The following EYA4 variants were observed in gnomAD, a reference collection of about 807,000 sequenced individuals.
EYA4 encodes protein phosphatase EYA4.
In EYA4, 31 loss-of-function variants were observed where a neutral mutation model predicts 87.9. That is an observed-to-expected ratio of 0.35 (90% confidence interval 0.27 to 0.48). The LOEUF is 0.48. Among genes scored for constraint, EYA4 ranks in the 20% least tolerant of loss-of-function variants. The pLI, the probability that EYA4 is intolerant of heterozygous loss-of-function variation, is 0.99. For missense variants in EYA4, 678 were observed against 761.4 expected (o/e 0.89, Z 1.29); for synonymous variants, 263 against 270.6 (o/e 0.97, Z 0.28).
At chr6:133,464,570 T>C (rs1001402513) in intron 9 of EYA4, among the ~76,000 whole-genome samples, 17 of 152,114 alleles carry the variant, frequency 1.1e-4, no homozygotes, top group African/African-American at 3.9e-4. Flanking sequence ...TGCTTCTGTT[T>C]AGCTCAACAG....
intron 3 of EYA4, among the ~76,000 whole-genome samples, chr6:133,416,937 A>G (rs2128552980): frequency 6.6e-6 from 1 of 152,340 alleles, no homozygotes; most frequent in African/African-American, 2.4e-5. Flanking sequence ...CTGTGGGTGC[A>G]GGGTAGGTTT....
rs1008599620 is a variant in EYA4, at chr6:133,349,661, G to A, written c.34-32731G>A. ...TGTAAGTGTATGAAATGCTTTGAGT[G>A]CAAATAATATAGGAATGTGGGGGCT... On this transcript the variant is annotated intron_variant, in intron 2 of 19. Coordinates refer to ENST00000355286, the MANE Select transcript of EYA4 (RefSeq NM_004100.5). Among the ~76,000 whole-genome samples, 7 of 151,212 alleles carry A rather than the reference G, an allele frequency of 4.6e-5. No individual in the cohort carries two copies. In the East Asian group the frequency reaches 1.3e-3, roughly 29 times the overall value.
chr6:133,378,144 G>A (rs1188033786), intron 2 of EYA4, among the ~76,000 whole-genome samples: 1 of 152,022 alleles, frequency 6.6e-6, no homozygotes, highest in East Asian at 1.9e-4. Context: ...TCAATAAAGT[G>A]AGATTTTAAA....
chr6:133,312,407 C>G (rs559622809), intron 2 of EYA4, among the ~76,000 whole-genome samples: 102 of 146,332 alleles, frequency 7.0e-4, no homozygotes, highest in East Asian at 2.2e-3. Flanking sequence ...CACACACACA[C>G]ACAGAGATAA....
intron 2 of EYA4, among the ~76,000 whole-genome samples, chr6:133,348,645 T>G (rs1427606656): frequency 6.6e-6 from 1 of 152,140 alleles, no homozygotes; most frequent in African/African-American, 2.4e-5. Context: ...TAGGGAAGAT[T>G]CACACTTTTA....
intron 1 of EYA4, among the ~76,000 whole-genome samples, chr6:133,268,190 A>G (rs1483752024): frequency 6.6e-6 from 1 of 152,156 alleles, no homozygotes; most frequent in Non-Finnish European, 1.5e-5. Flanking sequence ...GGGCATTTAA[A>G]CTTCGCCTCA....
chr6:133,308,512 A>G (rs1458056080), intron 2 of EYA4, among the ~76,000 whole-genome samples: 1 of 152,166 alleles, frequency 6.6e-6, no homozygotes, highest in Non-Finnish European at 1.5e-5. Flanking sequence ...ATAGTACTGT[A>G]TAATTACTTT....
rs1795050249 is a variant in EYA4 at position 133,468,604 on chromosome 6, T to C, written c.843T>C (p.Tyr281=). The change falls in exon 11 of 20, where the codon TAT becomes TAC. Residue 281 remains tyrosine (Y), a synonymous_variant. Coordinates refer to ENST00000355286, the MANE Select transcript of EYA4 (RefSeq NM_004100.5). ...PSYTAFGQNQ[Y]AQYYSASTYG... is the part of the protein sequence containing the mutation. ...ATACAGCCTTTGGCCAAAACCAGTA[T>C]GCACAGTATTATTCAGCATCAACGT... The C allele has an allele frequency of 1.9e-6, 3 of 1,612,672 alleles. No individual in the cohort carries two copies. Among genetic ancestry groups the C allele is most frequent in the Non-Finnish European group, 1.7e-6 (2 of 1,179,074 alleles).
At chr6:133,410,695 C>T (rs1316550943) in intron 3 of EYA4, among the ~76,000 whole-genome samples, 1 of 151,236 alleles carries the variant, frequency 6.6e-6, no homozygotes, top group African/African-American at 2.4e-5. Flanking sequence ...CTCTGTCCTG[C>T]AGCAGCAGTC....
chr6:133,452,694 G>A (rs1242152850), intron 5 of EYA4, among the ~76,000 whole-genome samples: 1 of 152,062 alleles, frequency 6.6e-6, no homozygotes, highest in Non-Finnish European at 1.5e-5. Context: ...AGCCAATCAT[G>A]TATGTTTATT....
chr6:133,380,257 T>A (rs566666186), intron 2 of EYA4, among the ~76,000 whole-genome samples: 43 of 152,188 alleles, frequency 2.8e-4, no homozygotes, highest in Non-Finnish European at 5.7e-4. Context: ...GAATTTCTAA[T>A]TCATTCTTTC....
intron 17 of EYA4, among the ~76,000 whole-genome samples, chr6:133,517,576 A>AT: frequency 6.6e-6 from 1 of 152,284 alleles, no homozygotes. Context: ...AAGTAAATGA[A>AT]TAGTTGTCAC....
intron 3 of EYA4, among the ~76,000 whole-genome samples, chr6:133,403,173 A>AT (rs1400988542): frequency 1.1e-4 from 16 of 152,200 alleles, no homozygotes; most frequent in African/African-American, 3.6e-4. Context: ...TAGCCAAAAA[A>AT]AAATTAAAAT....
At chr6:133,291,514 A>T (rs758061263) in intron 2 of EYA4, among the ~76,000 whole-genome samples, 1 of 152,246 alleles carries the variant, frequency 6.6e-6, no homozygotes, top group African/African-American at 2.4e-5. Flanking sequence ...AACTACATAT[A>T]TAGGCCATAG....
intron 1 of EYA4, chr6:133,246,975 G>A (rs1436199696): frequency 6.6e-6 from 1 of 152,046 alleles, no homozygotes; most frequent in Admixed American, 6.6e-5. Context: ...GCTTCCATCA[G>A]TCATATACCA....
intron 5 of EYA4, among the ~76,000 whole-genome samples, chr6:133,449,392 T>C (rs889107935): frequency 6.6e-6 from 1 of 152,264 alleles, no homozygotes; most frequent in Non-Finnish European, 1.5e-5. Flanking sequence ...GCTTACTGGC[T>C]GTGGTCTGTT....
intron 3 of EYA4, among the ~76,000 whole-genome samples, chr6:133,423,679 C>T (rs1197454483): frequency 3.3e-5 from 5 of 152,076 alleles, no homozygotes; most frequent in Admixed American, 1.3e-4. Context: ...AACCATCAGC[C>T]GCCACATAAA....
intron 2 of EYA4, among the ~76,000 whole-genome samples, chr6:133,314,692 T>C (rs1319736876): frequency 2.0e-5 from 3 of 152,230 alleles, no homozygotes; most frequent in African/African-American, 7.2e-5. Flanking sequence ...AACATAGAAA[T>C]GTTACAACCA....
chr6:133,496,228 T>C (rs959922711), intron 13 of EYA4, among the ~76,000 whole-genome samples: 5 of 152,236 alleles, frequency 3.3e-5, no homozygotes, highest in African/African-American at 7.2e-5. Flanking sequence ...TAAGATTGTC[T>C]AAGCTTGAAA....
Sources: allele counts gnomAD v4.1 joint callset (sites outside exome capture counted in the v4.1 genomes callset), GRCh38; gene constraint gnomAD v4.1.1; transcripts MANE v1.5; gene names NCBI Gene and HGNC (gene_info 2026-07-23, HGNC 2026-07-21).